Variants in ZRANB3 observed in about 807,000 individuals in gnomAD.
ZRANB3 encodes zinc finger RANBP2-type containing 3.
Under a neutral mutation model 133.8 loss-of-function variants are expected in ZRANB3, and 125 were observed. That is an observed-to-expected ratio of 0.93 (90% CI 0.81 to 1.08). The LOEUF (loss-of-function observed/expected upper bound fraction) is 1.08. ZRANB3 is among the 50% of genes least tolerant of loss of function. The pLI is 0.00. For synonymous variants in ZRANB3, 387 were observed against 432.7 expected (o/e 0.89, Z 1.31); for missense variants, 1,229 against 1,275.5 (o/e 0.96, Z 0.56).
intron 2 of ZRANB3, among the ~76,000 whole-genome samples, chr2:135,488,760 C>G (rs931041516): frequency 1.3e-5 from 2 of 151,368 alleles, no homozygotes; most frequent in Non-Finnish European, 2.9e-5. Flanking sequence ...TTTGTAAAAA[C>G]CACAATATAT....
At chr2:135,286,396 A>G (rs1655872476) in intron 8 of ZRANB3, among the ~76,000 whole-genome samples, 1 of 151,210 alleles carries the variant, frequency 6.6e-6, no homozygotes, top group Non-Finnish European at 1.5e-5. Context: ...TCCTTCCTCA[A>G]CCTCCCAGGT....
At chr2:135,331,325 T>TA (rs1243890753) in intron 6 of ZRANB3, among the ~76,000 whole-genome samples, 8 of 152,196 alleles carry the variant, frequency 5.3e-5, no homozygotes, top group Non-Finnish European at 1.2e-4. Flanking sequence ...ATTTACCCAC[T>TA]AGTCATTCAG....
At chr2:135,390,842 AAT>A (rs2104925973) in intron 2 of ZRANB3, 22 bp from the exon 3 acceptor site, 2 of 1,498,910 alleles carry the variant, frequency 1.3e-6, no homozygotes, top group Non-Finnish European at 1.8e-6. Flanking sequence ...AAAAAAAAAA[AAT>A]TAATTATCAG....
At position 135,198,769 on chromosome 2, in the gene ZRANB3, C is replaced by T. The variant is rs1693500993; in HGVS notation, c.*1573G>A. ...TAAGCAGAAAGGAGGCCAAAGAAAG[C>T]CCAACTTCATTTATAAAATAACCAA... On this transcript the variant is annotated 3_prime_UTR_variant, in exon 21 of 21. Coordinates refer to ENST00000264159, the MANE Select transcript of ZRANB3 (RefSeq NM_032143.4). 6.6e-6 allele frequency: 1 copy of T among 152,160 alleles called. No homozygotes were observed. The allele number at this position is 152,160 out of a possible 1,614,324, so 9.4% of individuals were successfully genotyped here.
At chr2:135,410,238 C>T (rs1029740665) in intron 2 of ZRANB3, among the ~76,000 whole-genome samples, 1 of 152,128 alleles carries the variant, frequency 6.6e-6, no homozygotes, top group African/African-American at 2.4e-5. Context: ...TCAAACTATA[C>T]AACAGGGCTA....
intron 12 of ZRANB3, among the ~76,000 whole-genome samples, chr2:135,250,227 A>T (rs1464546906): frequency 2.0e-5 from 3 of 152,110 alleles, no homozygotes; most frequent in Non-Finnish European, 2.9e-5. Context: ...AACTTGAGAG[A>T]GATGATTTAG....
intron 2 of ZRANB3, among the ~76,000 whole-genome samples, chr2:135,419,185 C>G (rs947229677): frequency 6.6e-6 from 1 of 151,812 alleles, no homozygotes; most frequent in African/African-American, 2.4e-5. Flanking sequence ...GATCCACCCG[C>G]CTCAACCTCC....
At chr2:135,221,222 A>G (rs16831462) in intron 15 of ZRANB3, among the ~76,000 whole-genome samples, 16,709 of 152,194 alleles carry the variant, frequency 0.11, 1,175 homozygotes, top group South Asian at 0.32. Flanking sequence ...TTGTGAAAAG[A>G]TATGTCAACA....
chr2:135,371,811 G>A (rs1312383759), intron 3 of ZRANB3, among the ~76,000 whole-genome samples: 1 of 152,168 alleles, frequency 6.6e-6, no homozygotes, highest in African/African-American at 2.4e-5. Flanking sequence ...TGTATCAGGA[G>A]GTGGAGGTGG....
At chr2:135,421,247 C>T (rs1231929789) in intron 2 of ZRANB3, among the ~76,000 whole-genome samples, 1 of 152,152 alleles carries the variant, frequency 6.6e-6, no homozygotes, top group Non-Finnish European at 1.5e-5. Flanking sequence ...AATTGTGTAG[C>T]TGTTGGCACA....
intron 2 of ZRANB3, among the ~76,000 whole-genome samples, chr2:135,396,821 T>G (rs1687513089): frequency 6.6e-6 from 1 of 152,192 alleles, no homozygotes; most frequent in Non-Finnish European, 1.5e-5. Flanking sequence ...TATAATTGGA[T>G]TGTTTGTAAC....
intron 1 of ZRANB3, among the ~76,000 whole-genome samples, chr2:135,520,777 G>GT (rs1693902960): frequency 6.6e-6 from 1 of 151,864 alleles, no homozygotes; most frequent in Non-Finnish European, 1.5e-5. Context: ...TAGAGACGGG[G>GT]TTACACCATC....
chr2:135,287,146 A>G (rs997298081), intron 8 of ZRANB3, among the ~76,000 whole-genome samples: 1 of 152,192 alleles, frequency 6.6e-6, no homozygotes, highest in African/African-American at 2.4e-5. Context: ...TGGCTTGCCA[A>G]TTATCCCAGC....
At chr2:135,364,698 G>A (rs2104891380) in intron 3 of ZRANB3, among the ~76,000 whole-genome samples, 1 of 152,222 alleles carries the variant, frequency 6.6e-6, no homozygotes, top group East Asian at 1.9e-4. Flanking sequence ...GTTGCAGTGA[G>A]CTGAGATTGC....
intron 11 of ZRANB3, 117 bp downstream of exon 11, chr2:135,268,845 T>C: frequency 1.1e-6 from 1 of 950,336 alleles, no homozygotes; most frequent in Non-Finnish European, 1.6e-6. Context: ...TTATCATCAT[T>C]ATCTTGATGT....
Position 135,420,117 on chromosome 2 carries a change from AT to A in ZRANB3, c.162-29298del, listed in dbSNP as rs1558988201. On this transcript the variant is annotated intron_variant, in intron 2 of 20. Coordinates refer to ENST00000264159, the MANE Select transcript of ZRANB3 (RefSeq NM_032143.4). ...TATATATATATATATATATATATAT[AT>A]ATATATAACTTATAGAGGATATTTC... Among the ~76,000 whole-genome samples the A allele has an allele frequency of 4.7e-3, 487 of 104,348 alleles. 5 individuals are homozygous for A. The highest frequency in any genetic ancestry group is 0.018 in the African/African-American group (457 of 25,034). The allele number at this position is 104,348 out of a possible 152,430, so 68.5% of individuals were successfully genotyped here.
intron 8 of ZRANB3, among the ~76,000 whole-genome samples, chr2:135,289,013 C>T (rs754084570): frequency 4.6e-5 from 7 of 151,494 alleles, no homozygotes; most frequent in East Asian, 1.9e-4. Context: ...GAGGTATGAC[C>T]TTAGATTGTC....
intron 15 of ZRANB3, among the ~76,000 whole-genome samples, chr2:135,220,130 C>G (rs1488593610): frequency 1.3e-5 from 2 of 152,052 alleles, no homozygotes; most frequent in East Asian, 1.9e-4. Context: ...ACCTTGAACT[C>G]CTGGGCTCAA....
At chr2:135,259,608 G>C (rs1339376614) in intron 12 of ZRANB3, among the ~76,000 whole-genome samples, 1 of 151,906 alleles carries the variant, frequency 6.6e-6, no homozygotes, top group Non-Finnish European at 1.5e-5. Context: ...AGTAGAGATG[G>C]GGTTTCTCCA....
Sources: gnomAD v4.1 joint callset for allele counts (sites outside exome capture counted in the v4.1 genomes callset) on GRCh38, gnomAD v4.1.1 for gene constraint, MANE v1.5 for transcripts, NCBI Gene and HGNC (gene_info 2026-07-23, HGNC 2026-07-21) for gene names.